PRKCH: variants seen among roughly 807,000 people sequenced by gnomAD.
PRKCH encodes the protein protein kinase C eta type.
A neutral mutation model predicts 82.5 loss-of-function variants in PRKCH; 28 were observed. The observed-to-expected ratio is 0.34, with a 90% CI of 0.25 to 0.47. The LOEUF is 0.47. Ranked by LOEUF, PRKCH falls within the 20% of genes least tolerant of loss-of-function variation. The probability of loss-of-function intolerance (pLI) is 1.00; values close to 1 mark genes in which losing one functional copy is unlikely to be tolerated. For missense variants in PRKCH, 705 were observed against 881.8 expected (o/e 0.80, Z 2.54); for synonymous variants, 322 against 327.4 (o/e 0.98, Z 0.18).
At chr14:61,261,626 T>G (rs749052966) in intron 1 of PRKCH, among the ~76,000 whole-genome samples, 2 of 152,180 alleles carry the variant, frequency 1.3e-5, no homozygotes, top group Non-Finnish European at 2.9e-5. Flanking sequence ...CATTCTACCA[T>G]CAGACAAGTC....
intron 10 of PRKCH, among the ~76,000 whole-genome samples, chr14:61,513,177 AACTTTAC>A (rs537546978): frequency 1.3e-4 from 20 of 152,294 alleles, no homozygotes; most frequent in Non-Finnish European, 2.4e-4. Flanking sequence ...CCACGCGCAG[AACTTTAC>A]ACTTTACACT....
At chr14:61,428,112 C>CACATATATATATATATATATAT (rs1391102641) in intron 2 of PRKCH, among the ~76,000 whole-genome samples, 5 of 145,592 alleles carry the variant, frequency 3.4e-5, no homozygotes, top group African/African-American at 8.0e-5. Context: ...TATATACACA[C>CACATATATATATATATATATAT]ATATATATAT....
At chr14:61,414,864 C>A (rs909535625) in intron 2 of PRKCH, among the ~76,000 whole-genome samples, 1 of 152,124 alleles carries the variant, frequency 6.6e-6, no homozygotes, top group African/African-American at 2.4e-5. Context: ...TAAAAGCATT[C>A]CCCCTCTGCC....
chr14:61,203,654 A>T (rs1488068446), intron 1 of PRKCH, among the ~76,000 whole-genome samples: 1 of 152,066 alleles, frequency 6.6e-6, no homozygotes, highest in Non-Finnish European at 1.5e-5. Context: ...AGTGTTTTTC[A>T]AATATTTTTT....
At chr14:61,538,646 G>A (rs775475729) in intron 12 of PRKCH, among the ~76,000 whole-genome samples, 1 of 152,158 alleles carries the variant, frequency 6.6e-6, no homozygotes, top group Non-Finnish European at 1.5e-5. Context: ...AAATGACCAC[G>A]GAAACTTTTC....
chr14:61,387,300 C>G (rs1004155139), intron 1 of PRKCH, among the ~76,000 whole-genome samples: 1 of 152,224 alleles, frequency 6.6e-6, no homozygotes, highest in Admixed American at 6.5e-5. Flanking sequence ...AGTCAGTGCT[C>G]TGATCTGCTA....
intron 1 of PRKCH, among the ~76,000 whole-genome samples, chr14:61,242,036 C>T (rs573754748): frequency 2.6e-5 from 4 of 152,012 alleles, no homozygotes; most frequent in South Asian, 2.1e-4. Context: ...CTAAAAAATC[C>T]CATATAATAT....
intron 1 of PRKCH, among the ~76,000 whole-genome samples, chr14:61,211,267 A>G (rs1188729537): frequency 6.6e-6 from 1 of 152,200 alleles, no homozygotes; most frequent in African/African-American, 2.4e-5. Context: ...CTAGAAGAAC[A>G]GTGACAGCGT....
intron 1 of PRKCH, among the ~76,000 whole-genome samples, chr14:61,389,954 C>T (rs768884305): frequency 3.3e-5 from 5 of 152,148 alleles, no homozygotes; most frequent in Non-Finnish European, 7.3e-5. Flanking sequence ...CTCTATATGC[C>T]AGTCTTCCTC....
At chr14:61,260,652 AT>A (rs544842437) in intron 1 of PRKCH, among the ~76,000 whole-genome samples, 138 of 152,160 alleles carry the variant, frequency 9.1e-4, no homozygotes, top group Admixed American at 1.7e-3. Context: ...CAAAAGGATG[AT>A]TTTTTTTCTT....
At chr14:61,263,348 TTTA>T (rs1272108709) in intron 1 of PRKCH, among the ~76,000 whole-genome samples, 5 of 152,246 alleles carry the variant, frequency 3.3e-5, no homozygotes, top group Non-Finnish European at 7.3e-5. Context: ...TCTTTGGAGA[TTTA>T]TTTTTTCCTT....
intron 9 of PRKCH, among the ~76,000 whole-genome samples, chr14:61,483,033 C>A (rs1225118313): frequency 6.6e-6 from 1 of 152,228 alleles, no homozygotes; most frequent in Non-Finnish European, 1.5e-5. Context: ...CCAGTCAGAT[C>A]CACGAGGAAG....
intron 1 of PRKCH, among the ~76,000 whole-genome samples, chr14:61,264,877 T>G (rs1355321947): frequency 6.6e-6 from 1 of 152,038 alleles, no homozygotes; most frequent in Non-Finnish European, 1.5e-5. Context: ...GCAGTTTGAG[T>G]TTGTTTTTTA....
At chr14:61,371,536 C>G (rs2046364201) in intron 1 of PRKCH, among the ~76,000 whole-genome samples, 1 of 152,008 alleles carries the variant, frequency 6.6e-6, no homozygotes, top group Non-Finnish European at 1.5e-5. Flanking sequence ...TTGGGTTTGT[C>G]TAATGTTTTT....
At chr14:61,354,404 TTGTG>T (rs3028729) in intron 1 of PRKCH, among the ~76,000 whole-genome samples, 76,621 of 148,282 alleles carry the variant, frequency 0.52, 21,396 homozygotes, top group Non-Finnish European at 0.63. Flanking sequence ...CTGTTTCTAT[TTGTG>T]TGTGTGTGTG....
intron 1 of PRKCH, among the ~76,000 whole-genome samples, chr14:61,197,072 T>C (rs1207798390): frequency 4.6e-5 from 7 of 152,198 alleles, no homozygotes; most frequent in Admixed American, 4.6e-4. Flanking sequence ...CTGACTTTCA[T>C]GATAAATGTT....
chr14:61,345,704 A>G (rs1054435571), intron 1 of PRKCH, among the ~76,000 whole-genome samples: 1 of 152,244 alleles, frequency 6.6e-6, no homozygotes, highest in Non-Finnish European at 1.5e-5. Flanking sequence ...TTCTCTTATT[A>G]TCCTCCTCTT....
intron 10 of PRKCH, among the ~76,000 whole-genome samples, chr14:61,511,379 G>C (rs1887367939): frequency 6.6e-6 from 1 of 152,098 alleles, no homozygotes; most frequent in Non-Finnish European, 1.5e-5. Context: ...GAGGGCAAAG[G>C]GCACCCTGCC....
intron 1 of PRKCH, among the ~76,000 whole-genome samples, chr14:61,275,574 C>A (rs1241611919): frequency 6.6e-6 from 1 of 152,072 alleles, no homozygotes; most frequent in African/African-American, 2.4e-5. Context: ...TTAAATTGAT[C>A]AAAAAGACAA....
Sources: allele counts gnomAD v4.1 joint callset (sites outside exome capture counted in the v4.1 genomes callset), GRCh38; gene constraint gnomAD v4.1.1; transcripts MANE v1.5; gene names NCBI Gene and HGNC (gene_info 2026-07-23, HGNC 2026-07-21).